Variants in PRKCA observed in about 807,000 individuals in gnomAD.
PRKCA encodes the protein protein kinase C alpha, also known as protein kinase C alpha type.
A neutral mutation model predicts 87.0 loss-of-function variants in PRKCA; 27 were observed. The observed-to-expected ratio is 0.31, with a 90% CI of 0.23 to 0.43. PRKCA has a LOEUF of 0.43. PRKCA is among the 20% of genes least tolerant of loss of function. The pLI, the probability that PRKCA is intolerant of heterozygous loss-of-function variation, is 1.00. For missense variants in PRKCA, 518 were observed against 852.3 expected, an observed-to-expected ratio of 0.61 and a Z score of 4.88; for synonymous variants, 329 against 311.1, an observed-to-expected ratio of 1.06 and a Z score of -0.61.
intron 8 of PRKCA, among the ~76,000 whole-genome samples, chr17:66,728,767 G>C (rs1299663936): frequency 6.6e-6 from 1 of 152,242 alleles, no homozygotes; most frequent in African/African-American, 2.4e-5. Flanking sequence ...TCCCCTGACT[G>C]TGGTGGTGAC....
chr17:66,436,020 A>G (rs955340415), intron 2 of PRKCA, among the ~76,000 whole-genome samples: 3 of 152,184 alleles, frequency 2.0e-5, no homozygotes, highest in Non-Finnish European at 2.9e-5. Context: ...GAGTGGATCC[A>G]TGGTGCAAAT....
At chr17:66,469,492 T>G (rs1428286284) in intron 2 of PRKCA, among the ~76,000 whole-genome samples, 1 of 152,252 alleles carries the variant, frequency 6.6e-6, no homozygotes, top group Non-Finnish European at 1.5e-5. Context: ...GAAAATGGTC[T>G]TAATTTAAAA....
intron 3 of PRKCA, among the ~76,000 whole-genome samples, chr17:66,549,007 A>G (rs530411602): frequency 2.6e-5 from 4 of 151,936 alleles, no homozygotes; most frequent in African/African-American, 4.8e-5. Context: ...GGGTTTTGCC[A>G]TGTTGACAGG....
At chr17:66,669,534 A>C (rs1182625694) in intron 5 of PRKCA, among the ~76,000 whole-genome samples, 1 of 152,160 alleles carries the variant, frequency 6.6e-6, no homozygotes, top group East Asian at 1.9e-4. Flanking sequence ...GATAGGACCA[A>C]ATTTATGGAG....
chr17:66,659,186 C>T (rs1205297794), intron 5 of PRKCA, among the ~76,000 whole-genome samples: 1 of 152,006 alleles, frequency 6.6e-6, no homozygotes, highest in Non-Finnish European at 1.5e-5. Context: ...TAAGTGTGCC[C>T]CTTCGTGAGG....
At chr17:66,595,161 C>A (rs2143562255) in intron 3 of PRKCA, among the ~76,000 whole-genome samples, 1 of 152,256 alleles carries the variant, frequency 6.6e-6, no homozygotes, top group South Asian at 2.1e-4. Flanking sequence ...ATTTTCAAAT[C>A]TCCTTCTTCT....
At chr17:66,566,052 A>G (rs765107020) in intron 3 of PRKCA, among the ~76,000 whole-genome samples, 3 of 152,078 alleles carry the variant, frequency 2.0e-5, no homozygotes, top group Non-Finnish European at 2.9e-5. Context: ...TAAATTTTAG[A>G]TAGATCATTG....
chr17:66,665,782 G>A (rs1375431961), intron 5 of PRKCA, among the ~76,000 whole-genome samples: 2 of 152,226 alleles, frequency 1.3e-5, no homozygotes, highest in Non-Finnish European at 2.9e-5. Flanking sequence ...CGGTATGTTA[G>A]ATTTACTTAA....
At chr17:66,409,693 G>A (rs1167100246) in intron 2 of PRKCA, among the ~76,000 whole-genome samples, 1 of 152,188 alleles carries the variant, frequency 6.6e-6, no homozygotes, top group Non-Finnish European at 1.5e-5. Context: ...ACTTTGGGAG[G>A]CCGAGGTGGG....
At chr17:66,488,069 A>G (rs1916062237) in intron 2 of PRKCA, among the ~76,000 whole-genome samples, 1 of 152,152 alleles carries the variant, frequency 6.6e-6, no homozygotes, top group African/African-American at 2.4e-5. Context: ...CATGAAGAGT[A>G]GTTTCTCCTC....
chr17:66,781,075 C>T (rs1456898068), intron 14 of PRKCA, among the ~76,000 whole-genome samples: 2 of 152,192 alleles, frequency 1.3e-5, no homozygotes, highest in Non-Finnish European at 2.9e-5. Flanking sequence ...CACCACTGCA[C>T]TCCAGCGAGT....
At chr17:66,355,821 A>T (rs1231866556) in intron 2 of PRKCA, among the ~76,000 whole-genome samples, 1 of 152,234 alleles carries the variant, frequency 6.6e-6, no homozygotes, top group Non-Finnish European at 1.5e-5. Flanking sequence ...ATTGCTTAGG[A>T]TAAATATGGA....
rs902956183 is a variant in PRKCA, at chr17:66,643,328, G to A, written c.400+1862G>A. ...TTTGTACTCAGTTTTCTGCATGAAT[G>A]AGGATTTTTGGATGCTGTACTACTT... On this transcript the variant is annotated intron_variant, in intron 4 of 16. Coordinates refer to ENST00000413366, the MANE Select transcript of PRKCA (RefSeq NM_002737.3). 2.1e-4 allele frequency among the ~76,000 whole-genome samples: 32 copies of A among 152,176 alleles called. 2 individuals carry two copies. The highest frequency in any genetic ancestry group is 7.7e-4 in the African/African-American group (32 of 41,438).
At chr17:66,692,302 TTTAAAAAA>T (rs1270698074) in intron 8 of PRKCA, among the ~76,000 whole-genome samples, 3 of 152,220 alleles carry the variant, frequency 2.0e-5, no homozygotes, top group Non-Finnish European at 4.4e-5. Context: ...CTTAGAGCAT[TTTAAAAAA>T]ACACAACTGC....
intron 2 of PRKCA, among the ~76,000 whole-genome samples, chr17:66,362,836 A>G (rs1298099324): frequency 6.6e-6 from 1 of 152,112 alleles, no homozygotes; most frequent in African/African-American, 2.4e-5. Context: ...TTGGGATTAC[A>G]GGCATGTGCC....
intron 1 of PRKCA, among the ~76,000 whole-genome samples, chr17:66,304,272 C>G (rs921341980): frequency 6.6e-6 from 1 of 152,184 alleles, no homozygotes; most frequent in African/African-American, 2.4e-5. Context: ...CAGCTTTCAT[C>G]TGATCCTCAA....
intron 2 of PRKCA, among the ~76,000 whole-genome samples, chr17:66,373,515 A>G (rs1240283772): frequency 6.6e-6 from 1 of 152,220 alleles, no homozygotes; most frequent in Non-Finnish European, 1.5e-5. Context: ...CAAAATATTC[A>G]TGATATCGAT....
intron 2 of PRKCA, among the ~76,000 whole-genome samples, chr17:66,365,853 G>A (rs1908685613): frequency 6.6e-6 from 1 of 152,158 alleles, no homozygotes; most frequent in Non-Finnish European, 1.5e-5. Flanking sequence ...TCTGAGCCAT[G>A]GTTTTTCTTT....
In PRKCA at chr17:66,326,323, G is replaced by A. The variant is rs78385732; in HGVS notation, c.205+20196G>A. ...GGTTTGCATATCTTTAAAAGCAAATGTTGTCTTCCCTGCCCTCTGCCCTCA... is the reference window on the plus strand; with the variant it reads ...GGTTTGCATATCTTTAAAAGCAAATATTGTCTTCCCTGCCCTCTGCCCTCA... On this transcript the variant is annotated intron_variant, in intron 2 of 16. Transcript: ENST00000413366. Among the ~76,000 whole-genome samples the A allele has an allele frequency of 7.7e-4, 117 of 152,164 alleles. No homozygotes were observed. In the East Asian group the frequency reaches 0.019, roughly 25 times the overall value.
Sources: gnomAD v4.1 joint callset for allele counts (sites outside exome capture counted in the v4.1 genomes callset) on GRCh38, gnomAD v4.1.1 for gene constraint, MANE v1.5 for transcripts, NCBI Gene and HGNC (gene_info 2026-07-23, HGNC 2026-07-21) for gene names.